NBAS: variants seen among roughly 807,000 people sequenced by gnomAD.
NBAS encodes NAG/BC035112 fusion.
NBAS carries 219 observed loss-of-function variants against 302.5 expected under a neutral mutation model. The ratio of observed to expected loss-of-function variants is 0.72; its 90% CI spans 0.65 to 0.81. NBAS has a LOEUF of 0.81. NBAS is among the 30% of genes least tolerant of loss of function. The probability of loss-of-function intolerance (pLI) is 0.00; values close to 1 mark genes in which losing one functional copy is unlikely to be tolerated. For missense variants in NBAS, 2,932 were observed against 2,841.6 expected (o/e 1.03, Z -0.72); for synonymous variants, 1,118 against 1,021.6 (o/e 1.09, Z -1.80).
the NBAS span, among the ~76,000 whole-genome samples, chr2:15,050,670 G>T: frequency 0.023 from 3,559 of 152,276 alleles, 147 homozygotes; most frequent in East Asian, 0.11. Flanking sequence ...ACAGGCCAGC[G>T]TGGATGAGAA....
At chr2:15,034,236 G>GAAAGAAAGAAA in the NBAS span, among the ~76,000 whole-genome samples, 2 of 41,126 alleles carry the variant, frequency 4.9e-5, no homozygotes, top group African/African-American at 2.1e-4. Flanking sequence ...AAGAAAGAAG[G>GAAAGAAAGAAA]AAAGAAAGAA....
At chr2:15,497,540 G>A (rs1681115125) in intron 11 of NBAS, among the ~76,000 whole-genome samples, 1 of 152,158 alleles carries the variant, frequency 6.6e-6, no homozygotes, top group African/African-American at 2.4e-5. Flanking sequence ...CAAGTCTAAG[G>A]TAGAAAGGGT....
chr2:15,489,802 C>T (rs1277013703), intron 11 of NBAS, among the ~76,000 whole-genome samples: 2 of 152,138 alleles, frequency 1.3e-5, no homozygotes, highest in African/African-American at 4.8e-5. Flanking sequence ...GAGACATCAC[C>T]TGCCACCACC....
At chr2:15,225,573 A>T (rs1367400490) in intron 47 of NBAS, among the ~76,000 whole-genome samples, 2 of 152,228 alleles carry the variant, frequency 1.3e-5, no homozygotes, top group Non-Finnish European at 2.9e-5. Context: ...AACAGCAAAG[A>T]GTTTAATAAA....
chr2:15,490,821 T>C (rs1160410659), intron 11 of NBAS, among the ~76,000 whole-genome samples: 1 of 152,182 alleles, frequency 6.6e-6, no homozygotes, highest in Non-Finnish European at 1.5e-5. Context: ...GTCACGAGCA[T>C]GCCCCTCAGC....
chr2:15,540,894 T>C (rs1158999154), intron 6 of NBAS, among the ~76,000 whole-genome samples: 1 of 152,048 alleles, frequency 6.6e-6, no homozygotes, highest in African/African-American at 2.4e-5. Context: ...GCTAATTTTT[T>C]TGTATTTTTA....
the NBAS span, among the ~76,000 whole-genome samples, chr2:15,059,989 A>C: frequency 1.4e-5 from 2 of 147,096 alleles, no homozygotes; most frequent in Admixed American, 6.8e-5. Context: ...AAAAAAAAAC[A>C]CTCCACGTAG....
At chr2:14,880,973 G>T in the NBAS span, among the ~76,000 whole-genome samples, 1 of 150,940 alleles carries the variant, frequency 6.6e-6, no homozygotes, top group Non-Finnish European at 1.5e-5. Flanking sequence ...GAAAAAATCA[G>T]ATTGGCATCA....
At chr2:14,956,558 A>C in the NBAS span, among the ~76,000 whole-genome samples, 1 of 152,202 alleles carries the variant, frequency 6.6e-6, no homozygotes, top group Non-Finnish European at 1.5e-5. Context: ...AAAGAGGTTT[A>C]ATTGACTCTC....
the NBAS span, among the ~76,000 whole-genome samples, chr2:14,916,527 G>A: frequency 2.6e-5 from 4 of 151,980 alleles, no homozygotes; most frequent in Admixed American, 6.6e-5. Context: ...GTTATATCCC[G>A]CTGACAGTCT....
chr2:15,037,167 T>C, the NBAS span, among the ~76,000 whole-genome samples: 1 of 152,220 alleles, frequency 6.6e-6, no homozygotes, highest in African/African-American at 2.4e-5. Context: ...ATGGTGATCC[T>C]GCTCCTTCCT....
the NBAS span, among the ~76,000 whole-genome samples, chr2:14,947,062 A>T: frequency 1.3e-5 from 2 of 152,178 alleles, no homozygotes; most frequent in African/African-American, 4.8e-5. Context: ...TATATCAGAA[A>T]AGTAGAAAGA....
At chr2:15,459,701 G>A (rs997444957) in intron 21 of NBAS, among the ~76,000 whole-genome samples, 2 of 151,862 alleles carry the variant, frequency 1.3e-5, no homozygotes, top group South Asian at 2.1e-4. Context: ...GGATGGTCTC[G>A]ATCTCCTGAC....
chr2:15,456,770 T>C (rs758076045), intron 21 of NBAS, among the ~76,000 whole-genome samples: 4 of 152,052 alleles, frequency 2.6e-5, no homozygotes, highest in Non-Finnish European at 5.9e-5. Context: ...TACTATATAA[T>C]AAATGCTAGG....
At chr2:15,034,583 G>A in the NBAS span, among the ~76,000 whole-genome samples, 1 of 152,304 alleles carries the variant, frequency 6.6e-6, no homozygotes, top group East Asian at 1.9e-4. Context: ...CAACTACAGA[G>A]GATGTCCTGT....
chr2:15,332,711 G>T (rs936755370), intron 35 of NBAS, among the ~76,000 whole-genome samples: 1 of 151,874 alleles, frequency 6.6e-6, no homozygotes. Flanking sequence ...ATACTATCAG[G>T]GCAACAATGC....
At chr2:14,937,117 A>G in the NBAS span, among the ~76,000 whole-genome samples, 2 of 152,236 alleles carry the variant, frequency 1.3e-5, no homozygotes, top group African/African-American at 4.8e-5. Context: ...GCAACAGGGC[A>G]GGGAAGTAGG....
the NBAS span, among the ~76,000 whole-genome samples, chr2:14,800,005 G>A: frequency 6.6e-6 from 1 of 152,112 alleles, no homozygotes; most frequent in African/African-American, 2.4e-5. Context: ...AATCCAATCT[G>A]ACAATATCTA....
At chr2:15,035,453 C>T in the NBAS span, among the ~76,000 whole-genome samples, 3 of 152,116 alleles carry the variant, frequency 2.0e-5, no homozygotes, top group Non-Finnish European at 2.9e-5. Context: ...AGGCTTAGAA[C>T]CAGAAATGCC....
Sources: gnomAD v4.1 joint callset for allele counts (sites outside exome capture counted in the v4.1 genomes callset) on GRCh38, gnomAD v4.1.1 for gene constraint, MANE v1.5 for transcripts, NCBI Gene and HGNC (gene_info 2026-07-23, HGNC 2026-07-21) for gene names.